Variants in FBXL7 observed in about 807,000 individuals in gnomAD.
FBXL7 encodes F-box/LRR-repeat protein 7.
A neutral mutation model predicts 38.3 loss-of-function variants in FBXL7; 12 were observed. The observed-to-expected ratio is 0.31, with a 90% CI of 0.20 to 0.51. The LOEUF is 0.51. Ranked by LOEUF, FBXL7 falls within the 20% of genes least tolerant of loss-of-function variation. The probability of loss-of-function intolerance (pLI) is 0.98; values close to 1 mark genes in which losing one functional copy is unlikely to be tolerated. For missense variants in FBXL7, 567 were observed against 676.4 expected (o/e 0.84, Z 1.79); for synonymous variants, 297 against 300.9 (o/e 0.99, Z 0.13).
At chr5:15,736,680 G>T (rs1181438763) in intron 2 of FBXL7, among the ~76,000 whole-genome samples, 3 of 152,284 alleles carry the variant, frequency 2.0e-5, no homozygotes, top group African/African-American at 7.2e-5. Context: ...AATTCTACCA[G>T]TCAGGGTCTG....
intron 2 of FBXL7, among the ~76,000 whole-genome samples, chr5:15,833,062 T>C (rs961186602): frequency 3.9e-5 from 6 of 152,310 alleles, no homozygotes; most frequent in South Asian, 2.1e-4. Context: ...CCTTCCACCA[T>C]GATTGTGAAG....
intron 2 of FBXL7, among the ~76,000 whole-genome samples, chr5:15,776,697 C>T (rs964606510): frequency 6.6e-6 from 1 of 152,096 alleles, no homozygotes. Context: ...AACTTCATGG[C>T]ACTAACATCA....
In FBXL7 at chr5:15,899,810, T is replaced by C. The variant is rs372293896; in HGVS notation, c.128-28080T>C. On this transcript the variant is annotated intron_variant, in intron 2 of 3. Transcript: ENST00000504595. ...CAAATAACTGAGAAGGGAAAGAGCT[T>C]TCAACAGACTTATTATAAGAATGTT... is the stretch of plus-strand genomic sequence containing the variant. 9.8e-5 allele frequency among the ~76,000 whole-genome samples: 15 copies of C among 152,288 alleles called. No homozygotes were observed. The East Asian group carries it at 2.5e-3, about 25-fold the overall frequency.
chr5:15,917,500 C>T (rs368547448), intron 2 of FBXL7, among the ~76,000 whole-genome samples: 32 of 152,146 alleles, frequency 2.1e-4, no homozygotes, highest in African/African-American at 6.7e-4. Flanking sequence ...TCCATCTACT[C>T]GGGAGGCTGA....
In FBXL7 at chr5:15,813,701, A is replaced by G. The variant is rs184684823; in HGVS notation, c.128-114189A>G. Among the ~76,000 whole-genome samples, 124 of 152,344 alleles carry G rather than the reference A, an allele frequency of 8.1e-4. No homozygotes were observed. In the Middle Eastern group the frequency reaches 0.02, roughly 25 times the overall value. On this transcript the variant is annotated intron_variant, in intron 2 of 3. Coordinates refer to ENST00000504595, the MANE Select transcript of FBXL7 (RefSeq NM_012304.5). ...ATCTGACAAAGGGCTAATATCCAGA[A>G]TCTACAAAGAACTTAAACAAATTTA...
intron 2 of FBXL7, among the ~76,000 whole-genome samples, chr5:15,789,762 G>A (rs1737226130): frequency 6.6e-6 from 1 of 152,164 alleles, no homozygotes; most frequent in African/African-American, 2.4e-5. Context: ...TATGGCTGTG[G>A]CCAGCTCTGG....
intron 1 of FBXL7, among the ~76,000 whole-genome samples, chr5:15,534,560 C>T (rs1027896157): frequency 6.6e-6 from 1 of 152,168 alleles, no homozygotes; most frequent in African/African-American, 2.4e-5. Context: ...ATTAATTCAT[C>T]TACTGAAGGA....
intron 2 of FBXL7, among the ~76,000 whole-genome samples, chr5:15,707,280 G>C (rs1743718626): frequency 2.8e-5 from 4 of 144,416 alleles, no homozygotes. Context: ...GAGGGCTGCT[G>C]GTTGTCCATT....
intron 2 of FBXL7, among the ~76,000 whole-genome samples, chr5:15,792,519 A>G (rs921168595): frequency 2.6e-5 from 4 of 152,140 alleles, no homozygotes; most frequent in Non-Finnish European, 5.9e-5. Context: ...GGAAGGCAGT[A>G]TTTTCATTCC....
chr5:15,639,530 A>G (rs1466624681), intron 2 of FBXL7, among the ~76,000 whole-genome samples: 1 of 151,810 alleles, frequency 6.6e-6, no homozygotes, highest in Non-Finnish European at 1.5e-5. Flanking sequence ...TGCCATGATC[A>G]TGAGGCCTCC....
intron 2 of FBXL7, among the ~76,000 whole-genome samples, chr5:15,877,255 A>G (rs1334233711): frequency 3.9e-5 from 6 of 152,296 alleles, no homozygotes; most frequent in East Asian, 1.9e-4. Flanking sequence ...TACTTATTCC[A>G]TGATTATATT....
At chr5:15,615,730 G>A (rs1031564904) in intron 1 of FBXL7, among the ~76,000 whole-genome samples, 2 of 152,000 alleles carry the variant, frequency 1.3e-5, no homozygotes, top group African/African-American at 2.4e-5. Flanking sequence ...ATTTGACTAC[G>A]TTTTATAATC....
chr5:15,740,411 A>G (rs2126674250), intron 2 of FBXL7, among the ~76,000 whole-genome samples: 1 of 152,270 alleles, frequency 6.6e-6, no homozygotes, highest in South Asian at 2.1e-4. Context: ...ATTTAACATC[A>G]TGTTACAAAT....
chr5:15,558,384 A>G (rs574393707), intron 1 of FBXL7, among the ~76,000 whole-genome samples: 1 of 152,298 alleles, frequency 6.6e-6, no homozygotes, highest in African/African-American at 2.4e-5. Context: ...ACTCAAGCCC[A>G]ATTTCTCTTT....
intron 2 of FBXL7, among the ~76,000 whole-genome samples, chr5:15,828,414 G>A (rs1738369362): frequency 6.6e-6 from 1 of 152,124 alleles, no homozygotes; most frequent in Non-Finnish European, 1.5e-5. Context: ...TGAAATTCCG[G>A]TTTCACTGAG....
chr5:15,612,835 G>T (rs1006528433), intron 1 of FBXL7, among the ~76,000 whole-genome samples: 1 of 152,282 alleles, frequency 6.6e-6, no homozygotes, highest in Non-Finnish European at 1.5e-5. Flanking sequence ...GAGTGGGCAC[G>T]TGCATGCCAA....
At chr5:15,774,321 C>T (rs1736804421) in intron 2 of FBXL7, among the ~76,000 whole-genome samples, 1 of 150,732 alleles carries the variant, frequency 6.6e-6, no homozygotes, top group Non-Finnish European at 1.5e-5. Flanking sequence ...CCTCTCAATA[C>T]TCTTAACTTG....
intron 1 of FBXL7, among the ~76,000 whole-genome samples, chr5:15,576,951 G>A (rs1196336293): frequency 6.6e-6 from 1 of 152,102 alleles, no homozygotes; most frequent in African/African-American, 2.4e-5. Context: ...ACACAGTGGT[G>A]TGAATATAGC....
In FBXL7 at chr5:15,936,662, T is replaced by C; in HGVS notation, c.952T>C (p.Tyr318His). The C allele has an allele frequency of 2.5e-6, 4 of 1,608,452 alleles. No homozygotes were observed. Among genetic ancestry groups the C allele is most frequent in the Non-Finnish European group, 2.5e-6 (3 of 1,179,698 alleles). ...CVRLTDEGLR[Y>H]LVIYCASIKE... ...CCGCCTGACCGACGAAGGCCTGCGC[T>C]ACCTGGTGATCTACTGCGCCTCCAT... The change falls in exon 4 of 4, where the codon TAC becomes CAC. Residue 318 changes from tyrosine to histidine, a missense_variant. Tyr to His is a moderately conservative substitution (Grantham distance 83). Transcript: ENST00000504595. This position sits in a 1 kb window ranked among gnomAD's most constrained non-coding sequence, Gnocchi z 6.0.
Sources: allele counts gnomAD v4.1 joint callset (sites outside exome capture counted in the v4.1 genomes callset), GRCh38; gene constraint gnomAD v4.1.1; non-coding constraint Gnocchi (gnomAD v3.1); transcripts MANE v1.5; gene names NCBI Gene and HGNC (gene_info 2026-07-23, HGNC 2026-07-21).